Variants in LRRCC1 observed in about 807,000 individuals in gnomAD.
LRRCC1 encodes leucine rich repeat and coiled-coil centrosomal protein 1.
Under a neutral mutation model 126.0 loss-of-function variants are expected in LRRCC1, and 115 were observed. The ratio of observed to expected loss-of-function variants is 0.91; its 90% CI spans 0.78 to 1.07. The LOEUF (loss-of-function observed/expected upper bound fraction) is 1.07. LRRCC1 is among the 50% of genes least tolerant of loss of function. The pLI, the probability that LRRCC1 is intolerant of heterozygous loss-of-function variation, is 0.00. For synonymous variants in LRRCC1, 400 were observed against 393.4 expected, an observed-to-expected ratio of 1.02 and a Z score of -0.20; for missense variants, 1,172 against 1,175.7, an observed-to-expected ratio of 1.00 and a Z score of 0.05.
chr8:85,129,221 G>GCC lies in LRRCC1; in HGVS notation c.1468_1469insCC (p.Glu490AlafsTer15), dbSNP rs776622282. On this transcript the variant is annotated frameshift_variant, in exon 10 of 19. Coordinates refer to ENST00000360375, the MANE Select transcript of LRRCC1 (RefSeq NM_033402.5). LOFTEE classifies it high-confidence loss of function. Reference sequence around the variant, plus strand: ...AGAGAGAAATTCCAAAGGACAACTCGAAGTTATGGTTCACAAACTTCAAAA... The same window carrying GCC: ...AGAGAGAAATTCCAAAGGACAACTCGCCAAGTTATGGTTCACAAACTTCAAAA... 6.2e-7 allele frequency: 1 copy of GCC among 1,612,834 alleles called. No homozygotes were observed. The highest frequency in any genetic ancestry group is 1.1e-5 in the South Asian group (1 of 90,676).
intron 9 of LRRCC1, among the ~76,000 whole-genome samples, chr8:85,128,541 C>T (rs910292026): frequency 2.0e-5 from 3 of 150,066 alleles, no homozygotes; most frequent in Non-Finnish European, 2.9e-5. Context: ...CATGTGGGTG[C>T]CATGCTGTGA....
rs776115856 is a variant in LRRCC1, at chr8:85,134,963, G to A, written c.2085G>A (p.Met695Ile). ...SSSLIKDLTC[M>I]VKEQKTKLAE... ...CTTTAATTAAAGATCTGACCTGTAT[G>A]GTAAAGGAACAAAAAACAAAACTGG... Residue 695 changes from methionine (M) to isoleucine (I), a missense_variant, in exon 13 of 19, where the codon ATG becomes ATA. Transcript: ENST00000360375. 1.3e-6 allele frequency: 2 copies of A among 1,568,220 alleles called. No individual in the cohort carries two copies. Among genetic ancestry groups the A allele is most frequent in the South Asian group, 1.2e-5 (1 of 81,852 alleles).
chr8:85,137,904 G>C, intron 15 of LRRCC1, 131 bp from the exon 16 acceptor site: 1 of 574,706 alleles, frequency 1.7e-6, no homozygotes, highest in Non-Finnish European at 3.0e-6. Context: ...TAAGGGTTAG[G>C]AGTCACAAGA....
At chr8:85,126,279 C>T (rs115370584) in intron 8 of LRRCC1, among the ~76,000 whole-genome samples, 2,558 of 152,106 alleles carry the variant, frequency 0.017, 59 homozygotes, top group African/African-American at 0.058. Flanking sequence ...ATTTTTGGCC[C>T]GGCGCAGTGG....
chr8:85,144,416 G>GTA, intron 18 of LRRCC1, among the ~76,000 whole-genome samples: 1 of 17,858 alleles, frequency 5.6e-5, no homozygotes, highest in Non-Finnish European at 1.2e-4. Context: ...GTGTGTGTGT[G>GTA]TGTGTGTGTG....
intron 13 of LRRCC1, 59 bp downstream of exon 13, chr8:85,135,091 T>G: frequency 4.7e-6 from 6 of 1,272,350 alleles, no homozygotes; most frequent in East Asian, 2.7e-5. Flanking sequence ...CTCAAGTGGG[T>G]TGTGATAAAT....
intron 3 of LRRCC1, 44 bp downstream of exon 3, chr8:85,110,224 C>A: frequency 2.4e-6 from 2 of 830,726 alleles, no homozygotes; most frequent in African/African-American, 1.8e-5. Context: ...AATGTTGTGC[C>A]ACATGTGATA....
chr8:85,129,771 G>A, intron 10 of LRRCC1, 148 bp from the exon 11 acceptor site: 1 of 578,354 alleles, frequency 1.7e-6, no homozygotes, highest in Non-Finnish European at 2.9e-6. Flanking sequence ...GCTGCACTTT[G>A]TGTGACTGTA....
intron 12 of LRRCC1, 71 bp downstream of exon 12, chr8:85,132,032 T>A (rs1406250827): frequency 8.0e-7 from 1 of 1,257,254 alleles, no homozygotes; most frequent in Non-Finnish European, 1.1e-6. Flanking sequence ...AGGACTTGTT[T>A]TAGAAACATA....
chr8:85,113,441 C>A (rs1381471272), intron 4 of LRRCC1, among the ~76,000 whole-genome samples: 2 of 151,870 alleles, frequency 1.3e-5, no homozygotes, highest in Non-Finnish European at 2.9e-5. Context: ...ACAATTATGT[C>A]CAAGATACAT....
intron 11 of LRRCC1, among the ~76,000 whole-genome samples, chr8:85,131,067 C>G (rs1292439611): frequency 1.3e-5 from 2 of 152,066 alleles, no homozygotes; most frequent in East Asian, 3.9e-4. Flanking sequence ...TATTCCGAAA[C>G]CTGTTTTGTT....
intron 14 of LRRCC1, among the ~76,000 whole-genome samples, chr8:85,136,882 G>A (rs1810910345): frequency 6.6e-6 from 1 of 152,162 alleles, no homozygotes; most frequent in African/African-American, 2.4e-5. Context: ...CTGAAGTGCA[G>A]TGGTGTGATC....
At chr8:85,121,051 G>A (rs1809514195) in intron 6 of LRRCC1, among the ~76,000 whole-genome samples, 1 of 152,174 alleles carries the variant, frequency 6.6e-6, no homozygotes, top group African/African-American at 2.4e-5. Context: ...TACATCTTCA[G>A]CAGCAGTATA....
At chr8:85,144,475 T>TATATA (rs1491404128) in intron 18 of LRRCC1, among the ~76,000 whole-genome samples, 1 of 26,592 alleles carries the variant, frequency 3.8e-5, no homozygotes, top group African/African-American at 1.7e-4. Flanking sequence ...TATATATATA[T>TATATA]TTTTTTTTTT....
chr8:85,123,499 CAG>C lies in LRRCC1; in HGVS notation c.1019_1020del (p.Arg340LysfsTer5), dbSNP rs765611295. 5.6e-6 allele frequency: 9 copies of C among 1,610,718 alleles called. No homozygotes were observed. Among genetic ancestry groups the C allele is most frequent in the Non-Finnish European group, 7.6e-6 (9 of 1,178,622 alleles). ...DITSESDYGNRKECNRKVPRR... is the reference protein window; with the variant it reads ...DITSESDYGNXKECNRKVPRR... ...TAACTTCTGAAAGTGACTATGGAAA[CAG>C]AAAAGAATGCAATAGAAAAGTTCCT... is the stretch of plus-strand genomic sequence containing the variant. On this transcript the variant is annotated frameshift_variant, in exon 7 of 19. Coordinates refer to ENST00000360375, the MANE Select transcript of LRRCC1 (RefSeq NM_033402.5). LOFTEE classifies it high-confidence loss of function.
chr8:85,123,774 A>G (rs1397544307), intron 7 of LRRCC1, among the ~76,000 whole-genome samples, 168 bp downstream of exon 7: 2 of 152,170 alleles, frequency 1.3e-5, no homozygotes, highest in Non-Finnish European at 2.9e-5. Flanking sequence ...ATGTATATAA[A>G]AGGATCCTTT....
At position 85,126,669 on chromosome 8, in the gene LRRCC1, A is replaced by G. The variant is rs1335168711; in HGVS notation, c.1273-20A>G. On this transcript the variant is annotated intron_variant, in intron 8 of 18. Coordinates refer to ENST00000360375, the MANE Select transcript of LRRCC1 (RefSeq NM_033402.5). ...TAGGTAACTTTTCTAAGTTCACATA[A>G]CTTTGTTGTTTTCTTTCAGTCCCTT... 6.2e-7 allele frequency: 1 copy of G among 1,600,448 alleles called. No homozygotes were observed.
At chr8:85,142,721 T>A (rs1285646558) in intron 18 of LRRCC1, among the ~76,000 whole-genome samples, 50 of 151,568 alleles carry the variant, frequency 3.3e-4, no homozygotes, top group Non-Finnish European at 2.9e-4. Context: ...TCACAGCTAT[T>A]TGGGAGGCTG....
Position 85,109,586 on chromosome 8 carries a change from C to A in LRRCC1, c.105-9C>A, listed in dbSNP as rs1352811642. 2 of 1,502,826 alleles carry A rather than the reference C, an allele frequency of 1.3e-6. No individual in the cohort carries two copies. The highest frequency in any genetic ancestry group is 1.8e-6 in the Non-Finnish European group (2 of 1,097,624). The allele number at this position is 1,502,826 out of a possible 1,614,324, so 93.1% of individuals were successfully genotyped here. A position where few individuals can be genotyped will look rare whatever the true frequency, so the allele number is the denominator to read the frequency against. On this transcript the variant is annotated splice_polypyrimidine_tract_variant and intron_variant, in intron 1 of 18. Transcript: ENST00000360375. ...AATCTATTTTTATAGTATATATTTT[C>A]TTTTATAGCATATCAGAATTATCTT... is the stretch of plus-strand genomic sequence containing the variant.
Sources: gnomAD v4.1 joint callset for allele counts (sites outside exome capture counted in the v4.1 genomes callset) on GRCh38, gnomAD v4.1.1 for gene constraint, MANE v1.5 for transcripts, NCBI Gene and HGNC (gene_info 2026-07-23, HGNC 2026-07-21) for gene names.